Variants in LVRN observed in about 807,000 individuals in gnomAD.
LVRN encodes laeverin.
In LVRN, 99 loss-of-function variants were observed where a neutral mutation model predicts 111.4. The observed-to-expected ratio is 0.89, with a 90% CI of 0.76 to 1.05. The LOEUF is 1.05. Among genes scored for constraint, LVRN ranks in the 50% least tolerant of loss-of-function variants. The pLI is 0.00. For synonymous variants in LVRN, 488 were observed against 449.5 expected, an observed-to-expected ratio of 1.09 and a Z score of -1.08; for missense variants, 1,414 against 1,206.8, an observed-to-expected ratio of 1.17 and a Z score of -2.54.
In LVRN at chr5:115,984,564, C is replaced by G. The variant is rs769533542; in HGVS notation, c.839-6C>G. 6.2e-7 allele frequency: 1 copy of G among 1,612,706 alleles called. No individual in the cohort carries two copies. Among genetic ancestry groups the G allele is most frequent in the Non-Finnish European group, 8.5e-7 (1 of 1,179,400 alleles). On this transcript the variant is annotated splice_region_variant and splice_polypyrimidine_tract_variant and intron_variant, in intron 2 of 19. Transcript: ENST00000357872. The stretch of plus-strand genomic sequence containing the variant: ...CTGTGATTTGAACTAAAATAAAATT[C>G]TCTAGGTCAGTCTGAAAAAGAAGAT...
intron 18 of LVRN, among the ~76,000 whole-genome samples, chr5:116,018,441 G>C (rs1748644363): frequency 6.6e-6 from 1 of 152,160 alleles, no homozygotes; most frequent in African/African-American, 2.4e-5. Context: ...GGGAGGCTGA[G>C]GCAGGCAGAT....
At chr5:116,017,620 A>T (rs1160947659) in intron 18 of LVRN, among the ~76,000 whole-genome samples, 1 of 152,236 alleles carries the variant, frequency 6.6e-6, no homozygotes, top group African/African-American at 2.4e-5. Context: ...CTAGAATCAG[A>T]TCAATCTTAG....
At chr5:115,977,397 C>T (rs916809569) in intron 1 of LVRN, among the ~76,000 whole-genome samples, 10 of 152,074 alleles carry the variant, frequency 6.6e-5, no homozygotes, top group African/African-American at 2.4e-4. Context: ...TTTCTCTTCT[C>T]TTGAGGATCA....
Position 116,022,658 on chromosome 5 carries a change from G to A in LVRN, c.2832+192G>A, listed in dbSNP as rs76257697. ...CTGAAATAGAGATCACCTGTTCATG[G>A]AGGGTGGCACTTCATCCTCTCTCAC... is the stretch of plus-strand genomic sequence containing the variant. On this transcript the variant is annotated intron_variant, in intron 19 of 19. Transcript: ENST00000357872. Among the ~76,000 whole-genome samples, 1,456 of 152,212 alleles carry A rather than the reference G, an allele frequency of 9.6e-3. 13 individuals carry two copies. The highest frequency in any genetic ancestry group is 0.015 in the Non-Finnish European group (990 of 67,990).
At chr5:116,002,738 A>G in intron 10 of LVRN, 97 bp from the exon 11 acceptor site, 1 of 843,462 alleles carries the variant, frequency 1.2e-6, no homozygotes, top group South Asian at 1.9e-5. Flanking sequence ...AAAGAAACTG[A>G]GTTCTGTGTG....
At position 116,022,417 on chromosome 5, in the gene LVRN, TA is replaced by T; in HGVS notation, c.2785del (p.Ile929TyrfsTer4). 1 of 1,577,540 alleles carries T rather than the reference TA, an allele frequency of 6.3e-7. No individual in the cohort carries two copies. Among genetic ancestry groups the T allele is most frequent in the Non-Finnish European group, 8.7e-7 (1 of 1,154,592 alleles). ...TATGGAACACAATCATTGATTAATC[TA>T]ATATATACAATAGGGAGAACCGTAA... Reference protein sequence around the residue: ...KRYGTQSLINLIYTIGRTVTT... With the variant: ...KRYGTQSLINXIYTIGRTVTT... On this transcript the variant is annotated frameshift_variant, in exon 19 of 20. Coordinates refer to ENST00000357872, the MANE Select transcript of LVRN (RefSeq NM_173800.5). LOFTEE classifies it low-confidence loss of function (END_TRUNC).
At chr5:116,021,827 A>G in intron 18 of LVRN, 1 of 388,860 alleles carries the variant, frequency 2.6e-6, no homozygotes, top group South Asian at 2.0e-5. Context: ...ATATTCAGGG[A>G]CACTAAACTA....
intron 1 of LVRN, among the ~76,000 whole-genome samples, chr5:115,969,228 G>A (rs888169867): frequency 1.3e-5 from 2 of 151,980 alleles, no homozygotes; most frequent in African/African-American, 2.4e-5. Context: ...GCTGGTTTAA[G>A]GTTTTCTTCA....
intron 1 of LVRN, among the ~76,000 whole-genome samples, chr5:115,977,501 G>A (rs1753473031): frequency 6.6e-6 from 1 of 152,128 alleles, no homozygotes; most frequent in African/African-American, 2.4e-5. Flanking sequence ...GCTGATTTGA[G>A]CCTATGTTAC....
At chr5:116,002,693 A>G (rs1296896714) in intron 10 of LVRN, 142 bp from the exon 11 acceptor site, 1 of 575,316 alleles carries the variant, frequency 1.7e-6, no homozygotes, top group Non-Finnish European at 3.0e-6. Context: ...GAGTAATCCT[A>G]AGAGCAAAGG....
intron 1 of LVRN, among the ~76,000 whole-genome samples, chr5:115,981,471 GTA>G (rs1447471875): frequency 1.3e-5 from 2 of 152,060 alleles, no homozygotes; most frequent in East Asian, 3.9e-4. Flanking sequence ...AATAGTAGGT[GTA>G]TATATGTGTG....
At position 115,983,233 on chromosome 5, in the gene LVRN, A is replaced by C. The variant is rs1036688395; in HGVS notation, c.696-54A>C. The C allele has an allele frequency of 2.0e-6, 3 of 1,467,636 alleles. No homozygotes were observed. In the Admixed American group the frequency reaches 8.5e-5, roughly 41 times the overall value. The allele number at this position is 1,467,636 out of a possible 1,614,324, so 90.9% of individuals were successfully genotyped here. A position where few individuals can be genotyped will look rare whatever the true frequency, so the allele number is the denominator to read the frequency against. On this transcript the variant is annotated intron_variant, in intron 1 of 19. Transcript: ENST00000357872. ...AGCCATCATCTCTCAATGTTTTTTT[A>C]TTCCACTGGGTTGAAATAAAAATAA...
At chr5:115,964,106 C>G (rs952917050) in intron 1 of LVRN, among the ~76,000 whole-genome samples, 4 of 152,234 alleles carry the variant, frequency 2.6e-5, no homozygotes, top group Non-Finnish European at 5.9e-5. Context: ...TTTCCACGCT[C>G]TGAGACCACA....
In LVRN at chr5:115,984,722, G is replaced by T; in HGVS notation, c.978+13G>T. 1 of 1,613,140 alleles carries T rather than the reference G, an allele frequency of 6.2e-7. No homozygotes were observed. The highest frequency in any genetic ancestry group is 8.5e-7 in the Non-Finnish European group (1 of 1,179,504). Reference sequence around the variant, plus strand: ...AAGGGGCAAGGAGGTGAGTGAGGAAGATTCTGTAGGTAAGGGAGATTGTAC... The same window carrying T: ...AAGGGGCAAGGAGGTGAGTGAGGAATATTCTGTAGGTAAGGGAGATTGTAC... On this transcript the variant is annotated intron_variant, in intron 3 of 19. Coordinates refer to ENST00000357872, the MANE Select transcript of LVRN (RefSeq NM_173800.5).
intron 15 of LVRN, among the ~76,000 whole-genome samples, chr5:116,012,973 G>A (rs937317511): frequency 2.0e-5 from 3 of 152,092 alleles, no homozygotes; most frequent in Non-Finnish European, 4.4e-5. Context: ...TTACTGGTTT[G>A]GTGAGGAGAG....
intron 9 of LVRN, 30 bp downstream of exon 9, chr5:116,000,688 G>T (rs1200868812): frequency 6.2e-7 from 1 of 1,607,648 alleles, no homozygotes; most frequent in Non-Finnish European, 8.5e-7. Flanking sequence ...ACACATTCTT[G>T]CTGAGTTGTT....
intron 2 of LVRN, among the ~76,000 whole-genome samples, chr5:115,983,915 G>A (rs1357903559): frequency 6.6e-6 from 1 of 152,164 alleles, no homozygotes; most frequent in Non-Finnish European, 1.5e-5. Context: ...TTTGAGAAGA[G>A]CCTTTAAGTC....
At chr5:116,025,061 C>T (rs1324206026) in intron 19 of LVRN, among the ~76,000 whole-genome samples, 1 of 152,156 alleles carries the variant, frequency 6.6e-6, no homozygotes, top group Non-Finnish European at 1.5e-5. Flanking sequence ...ACCACCACCA[C>T]TCCCCTCCCA....
chr5:116,002,596 G>T (rs1314314519), intron 10 of LVRN, among the ~76,000 whole-genome samples: 1 of 152,164 alleles, frequency 6.6e-6, no homozygotes, highest in Non-Finnish European at 1.5e-5. Context: ...AGCTACCTAA[G>T]TTATAAAAGG....
Sources: gnomAD v4.1 joint callset for allele counts (sites outside exome capture counted in the v4.1 genomes callset) on GRCh38, gnomAD v4.1.1 for gene constraint, MANE v1.5 for transcripts, NCBI Gene and HGNC (gene_info 2026-07-23, HGNC 2026-07-21) for gene names.